The following PARN variants were observed in gnomAD, a reference collection of about 807,000 sequenced individuals.
PARN encodes the protein poly(A)-specific ribonuclease, also known as poly(A)-specific ribonuclease PARN.
PARN carries 71 observed loss-of-function variants against 102.8 expected under a neutral mutation model. The ratio of observed to expected loss-of-function variants is 0.69; its 90% CI spans 0.57 to 0.84. The LOEUF (loss-of-function observed/expected upper bound fraction) is 0.84. PARN is among the 40% of genes least tolerant of loss of function. The pLI is 0.00. For synonymous variants in PARN, 261 were observed against 252.9 expected (o/e 1.03, Z -0.30); for missense variants, 782 against 760.9 (o/e 1.03, Z -0.33).
rs559763751 is a variant in PARN at position 14,590,022 on chromosome 16, C to T, written c.918+3279G>A. Among the ~76,000 whole-genome samples, 24 of 149,262 alleles carry T rather than the reference C, an allele frequency of 1.6e-4. No homozygotes were observed. In the East Asian group the frequency reaches 1.8e-3, roughly 11 times the overall value. ...TCCCAGTACTTTGGGAGGCAGAGGC[C>T]GGTGGATCCCCTGAGGTCAGGAGTT... On this transcript the variant is annotated intron_variant, in intron 13 of 23. Transcript: ENST00000437198.
intron 18 of PARN, among the ~76,000 whole-genome samples, chr16:14,560,213 T>C (rs1289284495): frequency 6.6e-6 from 1 of 152,166 alleles, no homozygotes; most frequent in Non-Finnish European, 1.5e-5. Flanking sequence ...GATAAAGACA[T>C]GAAAGGATGT....
At chr16:14,552,761 C>A (rs983999875) in intron 20 of PARN, among the ~76,000 whole-genome samples, 1 of 152,044 alleles carries the variant, frequency 6.6e-6, no homozygotes, top group African/African-American at 2.4e-5. Context: ...CCAGCCTGAC[C>A]AACATGGAGA....
rs544855702 is a variant in PARN, at chr16:14,463,267, G to A, written c.1671-16186C>T. Among the ~76,000 whole-genome samples the A allele has an allele frequency of 6.6e-5, 10 of 152,130 alleles. No homozygotes were observed. In the East Asian group the frequency reaches 1.3e-3, roughly 21 times the overall value. ...TCAAACTGATTCCAAATATCTCAACGACATACTGGAAACAAAGCTCAAGAA... is the reference window on the plus strand; with the variant it reads ...TCAAACTGATTCCAAATATCTCAACAACATACTGGAAACAAAGCTCAAGAA... On this transcript the variant is annotated intron_variant, in intron 22 of 23. Transcript: ENST00000437198.
intron 6 of PARN, 115 bp downstream of exon 6, chr16:14,617,475 C>CTT: frequency 1.5e-6 from 1 of 674,350 alleles, no homozygotes. Flanking sequence ...TGCTGGAACT[C>CTT]TAAGACTGTG....
chr16:14,451,842 CTAAAAAAAAAAAAAAAAAAAAA>C (rs1387255897), intron 22 of PARN, among the ~76,000 whole-genome samples: 1 of 46,258 alleles, frequency 2.2e-5, no homozygotes, highest in Non-Finnish European at 4.0e-5. Flanking sequence ...AACCCCGTCT[CTAAAAAAAAAAAAAAAAAAAAA>C]AATACAAAAA....
At chr16:14,614,021 C>T (rs1424528462) in intron 6 of PARN, among the ~76,000 whole-genome samples, 2 of 152,110 alleles carry the variant, frequency 1.3e-5, no homozygotes, top group Non-Finnish European at 2.9e-5. Context: ...AATCCCAGAG[C>T]TTTAGGGGGT....
At chr16:14,579,112 G>C (rs533388728) in intron 18 of PARN, among the ~76,000 whole-genome samples, 8 of 151,806 alleles carry the variant, frequency 5.3e-5, no homozygotes, top group Non-Finnish European at 1.2e-4. Flanking sequence ...TTAGCCTCCC[G>C]AGTAGCTGGG....
chr16:14,538,272 G>T (rs1966700398), intron 21 of PARN, among the ~76,000 whole-genome samples: 2 of 146,684 alleles, frequency 1.4e-5, no homozygotes, highest in African/African-American at 2.5e-5. Flanking sequence ...AGGCTGGAGT[G>T]CAGGGGCATG....
chr16:14,609,088 T>G lies in PARN; in HGVS notation c.590A>C (p.Asn197Thr). The G allele has an allele frequency of 6.4e-7, 1 of 1,569,460 alleles. No homozygotes were observed. The highest frequency in any genetic ancestry group is 8.7e-7 in the Non-Finnish European group (1 of 1,146,034). Residue 197 changes from asparagine (N) to threonine (T), a missense_variant, in exon 8 of 24, where the codon AAC (asparagine) becomes ACC (threonine). Physicochemically the swap from Asn to Thr is moderately conservative, Grantham distance 65 (BLOSUM62 0). Coordinates refer to ENST00000437198, the MANE Select transcript of PARN (RefSeq NM_002582.4). Reference sequence around the variant, plus strand: ...ACATGGCTCTAAATCCAAGTTCTTGTTTTCTTCACTTTGTAATAAATCCTC... The same window carrying G: ...ACATGGCTCTAAATCCAAGTTCTTGGTTTCTTCACTTTGTAATAAATCCTC... ...KIEDLLQSEE[N>T]KNLDLEPCTG...
rs140607906 is a variant in PARN, at chr16:14,625,045, G to A, written c.327+2061C>T. 1.0e-3 allele frequency among the ~76,000 whole-genome samples: 156 copies of A among 152,096 alleles called. 1 individual carries two copies. The highest frequency in any genetic ancestry group is 3.4e-3 in the African/African-American group (143 of 41,532). On this transcript the variant is annotated intron_variant, in intron 5 of 23. Transcript: ENST00000437198. ...AAAAGAACAAAGTGCCATCCCCAAG[G>A]TGTCTCATTGCCACCCTCTGCTTTT...
At chr16:14,446,801 T>C in intron 23 of PARN, 87 bp downstream of exon 23, 1 of 897,904 alleles carries the variant, frequency 1.1e-6, no homozygotes, top group Non-Finnish European at 1.7e-6. Context: ...AAGTGAAGCC[T>C]TGCTATAATT....
chr16:14,468,319 G>A (rs1036097004), intron 22 of PARN, among the ~76,000 whole-genome samples: 2 of 152,182 alleles, frequency 1.3e-5, no homozygotes, highest in African/African-American at 4.8e-5. Context: ...GCACATGAGA[G>A]ACTCTGTAAA....
At chr16:14,527,884 C>T (rs892381938) in intron 21 of PARN, among the ~76,000 whole-genome samples, 3 of 152,208 alleles carry the variant, frequency 2.0e-5, no homozygotes, top group Admixed American at 1.3e-4. Context: ...GCCGTGTTTA[C>T]AGCCCAAGAG....
intron 21 of PARN, among the ~76,000 whole-genome samples, chr16:14,499,714 T>A (rs1772184071): frequency 6.6e-6 from 1 of 152,026 alleles, no homozygotes; most frequent in Admixed American, 6.6e-5. Flanking sequence ...GAGAGAAATG[T>A]AAAAAACTAA....
At chr16:14,542,379 T>TGGTA (rs1379773138) in intron 21 of PARN, among the ~76,000 whole-genome samples, 1 of 147,750 alleles carries the variant, frequency 6.8e-6, no homozygotes, top group African/African-American at 2.5e-5. Flanking sequence ...TGGAGTGGAG[T>TGGTA]GGTACAGTTA....
intron 21 of PARN, among the ~76,000 whole-genome samples, chr16:14,502,909 T>C (rs183259634): frequency 6.6e-6 from 1 of 152,326 alleles, no homozygotes; most frequent in East Asian, 1.9e-4. Flanking sequence ...GCATGGATTT[T>C]ACCAGAGATC....
intron 22 of PARN, among the ~76,000 whole-genome samples, chr16:14,447,938 T>TTATCTATC (rs10539138): frequency 0.012 from 1,827 of 148,048 alleles, 10 homozygotes; most frequent in African/African-American, 0.014. Flanking sequence ...CTTTTAAATT[T>TTATCTATC]TATCTATCTA....
At chr16:14,451,675 G>A (rs1961452162) in intron 22 of PARN, among the ~76,000 whole-genome samples, 1 of 151,600 alleles carries the variant, frequency 6.6e-6, no homozygotes, top group African/African-American at 2.4e-5. Flanking sequence ...CTGGGGTAAC[G>A]TTAATTCCCT....
chr16:14,600,134 A>C (rs1164907392), intron 11 of PARN, among the ~76,000 whole-genome samples, 174 bp from the exon 12 acceptor site: 1 of 152,226 alleles, frequency 6.6e-6, no homozygotes, highest in East Asian at 1.9e-4. Flanking sequence ...ATCTACGTAC[A>C]TACTTTTCTT....
Sources: allele counts gnomAD v4.1 joint callset (sites outside exome capture counted in the v4.1 genomes callset), GRCh38; gene constraint gnomAD v4.1.1; transcripts MANE v1.5; gene names NCBI Gene and HGNC (gene_info 2026-07-23, HGNC 2026-07-21).